The following AP2B1 variants were observed in gnomAD, a reference collection of about 807,000 sequenced individuals.
The protein encoded by AP2B1 is adaptor related protein complex 2 subunit beta 1.
AP2B1 carries 23 observed loss-of-function variants against 102.0 expected under a neutral mutation model. The observed-to-expected ratio is 0.23, with a 90% CI of 0.16 to 0.32. The LOEUF is 0.32. AP2B1 is among the 10% of genes least tolerant of loss of function. AP2B1 has a pLI of 1.00. For synonymous variants in AP2B1, 381 were observed against 421.2 expected (o/e 0.90, Z 1.17); for missense variants, 541 against 1,157.4 (o/e 0.47, Z 7.73).
At chr17:35,686,922 A>G (rs2075947046) in intron 18 of AP2B1, among the ~76,000 whole-genome samples, 1 of 152,154 alleles carries the variant, frequency 6.6e-6, no homozygotes, top group Non-Finnish European at 1.5e-5. Context: ...GCTTGCAGTG[A>G]GCTGAGATCG....
intron 3 of AP2B1, among the ~76,000 whole-genome samples, chr17:35,598,597 C>G (rs910043357): frequency 3.9e-5 from 6 of 152,160 alleles, no homozygotes; most frequent in Non-Finnish European, 5.9e-5. Context: ...TAGCATAACA[C>G]CTCCTGAGAG....
At chr17:35,668,025 C>T (rs2075506170) in intron 14 of AP2B1, among the ~76,000 whole-genome samples, 1 of 149,038 alleles carries the variant, frequency 6.7e-6, no homozygotes, top group Non-Finnish European at 1.5e-5. Flanking sequence ...GCAACCTCTG[C>T]CTCCCAGGTT....
At chr17:35,590,208 G>A (rs561743376) in intron 1 of AP2B1, among the ~76,000 whole-genome samples, 8 of 152,220 alleles carry the variant, frequency 5.3e-5, no homozygotes, top group African/African-American at 1.7e-4. Context: ...GTGAGCCACC[G>A]CGACCGGCTG....
chr17:35,718,484 A>G (rs2085251558), intron 21 of AP2B1, among the ~76,000 whole-genome samples: 1 of 152,110 alleles, frequency 6.6e-6, no homozygotes, highest in African/African-American at 2.4e-5. Flanking sequence ...TCTTTTGGAG[A>G]GTAACATACA....
At chr17:35,711,689 T>G (rs1480263425) in intron 20 of AP2B1, among the ~76,000 whole-genome samples, 3 of 152,362 alleles carry the variant, frequency 2.0e-5, no homozygotes, top group East Asian at 3.9e-4. Flanking sequence ...GCCAGGATGT[T>G]CTTGATCTCC....
At position 35,636,254 on chromosome 17, in the gene AP2B1, G is replaced by A. The variant is rs1435246022; in HGVS notation, c.1156-87G>A. On this transcript the variant is annotated intron_variant, in intron 9 of 21. Transcript: ENST00000610402. ...GATCATTTAGTTTGGTTTAGTTGATGCACCTGCATGTTTCAAAATTTTTAT... is the reference window on the plus strand; with the variant it reads ...GATCATTTAGTTTGGTTTAGTTGATACACCTGCATGTTTCAAAATTTTTAT... 8 of 822,058 alleles carry A rather than the reference G, an allele frequency of 9.7e-6. No homozygotes were observed. In the Admixed American group the frequency reaches 1.1e-4, roughly 11 times the overall value. 50.9% of individuals were successfully genotyped at this position (822,058 alleles called of 1,614,324 possible).
chr17:35,660,082 T>G, intron 14 of AP2B1: 1 of 984,750 alleles, frequency 1.0e-6, no homozygotes, highest in Non-Finnish European at 1.2e-6. Flanking sequence ...CCTTACAGAG[T>G]GCTTCTCAAA....
chr17:35,674,131 A>G lies in AP2B1; in HGVS notation c.2179-45A>G, dbSNP rs374429453. 34 of 1,564,570 alleles carry G rather than the reference A, an allele frequency of 2.2e-5. No individual in the cohort carries two copies. The Admixed American group carries it at 5.0e-4, about 23-fold the overall frequency. On this transcript the variant is annotated intron_variant, in intron 16 of 21. Transcript: ENST00000610402. Reference sequence around the variant, plus strand: ...ATTTGTTAAAAAATGCATAGCATCAAGATAAATCTTGTCTGATTCTATTGA... The same window carrying G: ...ATTTGTTAAAAAATGCATAGCATCAGGATAAATCTTGTCTGATTCTATTGA...
intron 2 of AP2B1, chr17:35,597,048 G>A (rs906920589): frequency 3.4e-6 from 2 of 580,898 alleles, no homozygotes; most frequent in Non-Finnish European, 6.4e-6. Context: ...CGTTGTGGGG[G>A]CCGTGGCCGG....
chr17:35,636,425 A>G lies in AP2B1; in HGVS notation c.1240A>G (p.Ile414Val). The G allele has an allele frequency of 1.2e-6, 2 of 1,614,026 alleles. No homozygotes were observed. The highest frequency in any genetic ancestry group is 1.7e-6 in the Non-Finnish European group (2 of 1,179,918). The change falls in exon 10 of 22, where the codon ATC (isoleucine) becomes GTC (valine). Residue 414 changes from isoleucine (I) to valine (V), a missense_variant. Physicochemically the swap from Ile to Val is conservative, Grantham distance 29. Around this residue, in one of 10 missense-constraint regions of AP2B1, gnomAD observed 106 missense variants for 296.4 expected, o/e 0.36. Coordinates refer to ENST00000610402, the MANE Select transcript of AP2B1 (RefSeq NM_001030006.2). ...NYVVQEAIVV[I>V]RDIFRKYPNK... ...TGTGGTCCAAGAAGCAATTGTTGTC[A>G]TCAGGGACATCTTCCGCAAATACCC...
intron 18 of AP2B1, 77 bp from the exon 19 acceptor site, chr17:35,709,147 C>G: frequency 7.7e-7 from 1 of 1,297,030 alleles, no homozygotes; most frequent in East Asian, 2.3e-5. Flanking sequence ...AGGCCTATTT[C>G]TAGACACAGC....
Position 35,682,827 on chromosome 17 carries a change from C to T in AP2B1, c.2454+3C>T. On this transcript the variant is annotated splice_donor_region_variant and intron_variant, in intron 18 of 21. Coordinates refer to ENST00000610402, the MANE Select transcript of AP2B1 (RefSeq NM_001030006.2). ...TGGAACCTCTGAATAACCTCCAGGTCAGAGATTTACTTCACTCAGGTGGTA... is the reference window on the plus strand; with the variant it reads ...TGGAACCTCTGAATAACCTCCAGGTTAGAGATTTACTTCACTCAGGTGGTA... The T allele has an allele frequency of 1.2e-6, 2 of 1,608,594 alleles. No homozygotes were observed. The highest frequency in any genetic ancestry group is 2.2e-5 in the South Asian group (2 of 90,980).
chr17:35,652,003 C>T (rs1310323738), intron 13 of AP2B1, among the ~76,000 whole-genome samples: 1 of 152,164 alleles, frequency 6.6e-6, no homozygotes, highest in Admixed American at 6.5e-5. Flanking sequence ...TATCTAGCCT[C>T]CTGCTAACTT....
chr17:35,625,936 C>A (rs1008151197), intron 6 of AP2B1, among the ~76,000 whole-genome samples: 1 of 151,814 alleles, frequency 6.6e-6, no homozygotes. Flanking sequence ...CCCAAGCTAC[C>A]AAAATTGGAT....
In AP2B1 at chr17:35,603,255, T is replaced by A. The variant is rs190945068; in HGVS notation, c.144-2450T>A. On this transcript the variant is annotated intron_variant, in intron 3 of 21. Transcript: ENST00000610402. ...ACCTACATTTGTTTTTTCTTTCTTC[T>A]ATGCTAGTAGCAAGATGTTTAGCAG... Among the ~76,000 whole-genome samples, 374 of 152,356 alleles carry A rather than the reference T, an allele frequency of 2.5e-3. 7 individuals are homozygous for A. The Middle Eastern group carries it at 0.044, about 18-fold the overall frequency.
Position 35,670,870 on chromosome 17 carries a change from T to C in AP2B1, c.2003T>C (p.Leu668Pro). ...GGLDSLLGSD[L>P]GGGIGGSPAV... Reference sequence around the variant, plus strand: ...TCTCTCTTTCAGCTTGGCAGTGACCTTGGCGGGGGCATTGGAGGAAGTCCG... The same window carrying C: ...TCTCTCTTTCAGCTTGGCAGTGACCCTGGCGGGGGCATTGGAGGAAGTCCG... Residue 668 changes from leucine to proline, a missense_variant, in exon 15 of 22, where the codon CTT (leucine) becomes CCT (proline). By Grantham distance (98) the Leu-to-Pro change is moderately conservative. This residue lies in a region of AP2B1 where 27 missense variants were observed against 84.1 expected (regional missense o/e 0.32). Coordinates refer to ENST00000610402, the MANE Select transcript of AP2B1 (RefSeq NM_001030006.2). The C allele has an allele frequency of 6.2e-7, 1 of 1,614,050 alleles. No homozygotes were observed. The highest frequency in any genetic ancestry group is 8.5e-7 in the Non-Finnish European group (1 of 1,179,994).
intron 10 of AP2B1, among the ~76,000 whole-genome samples, chr17:35,638,526 C>T (rs1392175469): frequency 1.3e-5 from 2 of 152,052 alleles, no homozygotes; most frequent in East Asian, 1.9e-4. Flanking sequence ...CGGTGGCTCA[C>T]GCCTGTAATC....
chr17:35,703,841 G>C (rs62078162), intron 18 of AP2B1, among the ~76,000 whole-genome samples: 1 of 8,984 alleles, frequency 1.1e-4, no homozygotes, highest in Non-Finnish European at 1.9e-4. Context: ...TAAAAGTTCA[G>C]TTTTAGACAT....
chr17:35,673,377 C>T (rs61560017), intron 16 of AP2B1, among the ~76,000 whole-genome samples: 1,527 of 152,004 alleles, frequency 0.01, 24 homozygotes, highest in African/African-American at 0.034. Context: ...TTAGTAGAGG[C>T]GGGGTTTCAC....
Sources: allele counts gnomAD v4.1 joint callset (sites outside exome capture counted in the v4.1 genomes callset), GRCh38; gene constraint gnomAD v4.1.1; regional missense constraint gnomAD v4.1.1; transcripts MANE v1.5; gene names NCBI Gene and HGNC (gene_info 2026-07-23, HGNC 2026-07-21).